IGSF10: variants seen among roughly 807,000 people sequenced by gnomAD.
IGSF10 encodes immunoglobulin superfamily member 10.
Under a neutral mutation model 128.2 loss-of-function variants are expected in IGSF10, and 126 were observed. That is an observed-to-expected ratio of 0.98 (90% CI 0.85 to 1.14). IGSF10 has a LOEUF of 1.14. IGSF10 is among the 50% of genes most tolerant of loss of function. The probability of loss-of-function intolerance (pLI) is 0.00; values close to 1 mark genes in which losing one functional copy is unlikely to be tolerated. For missense variants in IGSF10, 3,295 were observed against 3,149.8 expected, an observed-to-expected ratio of 1.05 and a Z score of -1.10; for synonymous variants, 1,185 against 1,146.2, an observed-to-expected ratio of 1.03 and a Z score of -0.68.
intron 4 of IGSF10, among the ~76,000 whole-genome samples, chr3:151,455,144 C>T (rs1378446691): frequency 6.6e-6 from 1 of 150,590 alleles, no homozygotes; most frequent in African/African-American, 2.4e-5. Flanking sequence ...GAGTTTCACT[C>T]TTGTTGCCCA....
At position 151,448,028 on chromosome 3, in the gene IGSF10, T is replaced by G; in HGVS notation, c.1953A>C (p.Ser651=). The part of the protein sequence containing the change: ...GYYRCVAANP[S]GVDFLIFQVS... ...CTTGGAAAATCAAAAAATCAACCCC[T>G]GATGGGTTGGCTGCCACACAGCGAT... Residue 651 remains serine (S), a synonymous_variant, in exon 6 of 8, where the codon TCA becomes TCC. Coordinates refer to ENST00000282466, the MANE Select transcript of IGSF10 (RefSeq NM_178822.5). 1 of 1,614,196 alleles carries G rather than the reference T, an allele frequency of 6.2e-7. No homozygotes were observed. The highest frequency in any genetic ancestry group is 8.5e-7 in the Non-Finnish European group (1 of 1,180,016).
the IGSF10 span, among the ~76,000 whole-genome samples, chr3:151,618,915 C>T: frequency 6.6e-6 from 1 of 150,732 alleles, no homozygotes; most frequent in Non-Finnish European, 1.5e-5. Context: ...TGAAGTTTTC[C>T]GAACTTTCAG....
chr3:151,563,292 C>T, the IGSF10 span, among the ~76,000 whole-genome samples: 1 of 152,116 alleles, frequency 6.6e-6, no homozygotes, highest in African/African-American at 2.4e-5. Flanking sequence ...ACCTCTGCAC[C>T]TCATGTCCCA....
At chr3:151,513,375 T>C in the IGSF10 span, among the ~76,000 whole-genome samples, 1 of 151,922 alleles carries the variant, frequency 6.6e-6, no homozygotes, top group Non-Finnish European at 1.5e-5. Context: ...AAAAACTACA[T>C]GATTATCTCA....
chr3:151,438,087 T>G lies in IGSF10; in HGVS notation c.6474A>C (p.Thr2158=). 1 of 1,614,240 alleles carries G rather than the reference T, an allele frequency of 6.2e-7. No individual in the cohort carries two copies. The highest frequency in any genetic ancestry group is 8.5e-7 in the Non-Finnish European group (1 of 1,180,040). ...CAGTGACCTCACAGTCAAGGACAGC[T>G]GTGTCTCCAGCTTTGATTCTCTTGT... The part of the protein sequence containing the change: ...KTNKRIKAGD[T]AVLDCEVTGD... The change falls in exon 8 of 8, where the codon ACA becomes ACC. Residue 2158 remains threonine, a synonymous_variant. Coordinates refer to ENST00000282466, the MANE Select transcript of IGSF10 (RefSeq NM_178822.5).
At chr3:151,590,939 T>A in the IGSF10 span, among the ~76,000 whole-genome samples, 9 of 152,126 alleles carry the variant, frequency 5.9e-5, no homozygotes, top group African/African-American at 2.2e-4. Context: ...GGTTTTTGAG[T>A]ACAGTGATGG....
chr3:151,524,654 G>A, the IGSF10 span, among the ~76,000 whole-genome samples: 1 of 152,094 alleles, frequency 6.6e-6, no homozygotes, highest in African/African-American at 2.4e-5. Flanking sequence ...GGAGGGAGAG[G>A]AACAGAGAAG....
In IGSF10 at chr3:151,446,734, T is replaced by G. The variant is rs1342034222; in HGVS notation, c.3247A>C (p.Ser1083Arg). ...TTGGGGAAGGTGATGGGAGCAGCAC[T>G]TGGAAAAGACAATGCTGCTGTGGCA... The part of the protein sequence containing the change: ...TTATAALSFP[S>R]AAPITFPKAD... The change falls in exon 6 of 8, where the codon AGT (serine) becomes CGT (arginine). Residue 1083 changes from serine (S) to arginine (R), a missense_variant. Coordinates refer to ENST00000282466, the MANE Select transcript of IGSF10 (RefSeq NM_178822.5). 2 of 1,614,146 alleles carry G rather than the reference T, an allele frequency of 1.2e-6. No homozygotes were observed. The highest frequency in any genetic ancestry group is 2.2e-5 in the South Asian group (2 of 91,086).
the IGSF10 span, among the ~76,000 whole-genome samples, chr3:151,580,564 C>T: frequency 6.6e-6 from 1 of 152,112 alleles, no homozygotes; most frequent in South Asian, 2.1e-4. Context: ...ACTGGGAAAG[C>T]CTGTCAAAGT....
chr3:151,458,110 C>CATAT lies in IGSF10; in HGVS notation c.194+402_194+405dup, dbSNP rs143716078. Among the ~76,000 whole-genome samples, 1,136 of 150,000 alleles carry CATAT rather than the reference C, an allele frequency of 7.6e-3. 10 individuals are homozygous for CATAT. Among genetic ancestry groups the CATAT allele is most frequent in the African/African-American group, 0.026 (1,071 of 40,834 alleles). ...AACCAAAGGGCCTATAAAAAGGATACATATATATATATATGTATGTATGTG... is the reference window on the plus strand; with the variant it reads ...AACCAAAGGGCCTATAAAAAGGATACATATATATATATATATATGTATGTATGTG... On this transcript the variant is annotated intron_variant, in intron 3 of 7. Transcript: ENST00000282466.
the IGSF10 span, among the ~76,000 whole-genome samples, chr3:151,564,292 G>C: frequency 6.6e-6 from 1 of 151,924 alleles, no homozygotes; most frequent in Non-Finnish European, 1.5e-5. Context: ...TTTTGCATCA[G>C]TACACACATT....
At chr3:151,606,679 G>A in the IGSF10 span, among the ~76,000 whole-genome samples, 2 of 152,146 alleles carry the variant, frequency 1.3e-5, no homozygotes, top group Non-Finnish European at 2.9e-5. Context: ...TTAGGTGCAA[G>A]GTAAAGCTGA....
chr3:151,584,328 A>G, the IGSF10 span, among the ~76,000 whole-genome samples: 1 of 152,130 alleles, frequency 6.6e-6, no homozygotes, highest in Non-Finnish European at 1.5e-5. Flanking sequence ...AGCAACACAT[A>G]GGTTTTCTTA....
the IGSF10 span, among the ~76,000 whole-genome samples, chr3:151,572,875 G>C: frequency 0.68 from 103,356 of 152,078 alleles, 35,164 homozygotes; most frequent in South Asian, 0.74. Context: ...AAGTTTCCCT[G>C]TACACACTGC....
At chr3:151,499,307 C>T in the IGSF10 span, among the ~76,000 whole-genome samples, 2 of 152,122 alleles carry the variant, frequency 1.3e-5, no homozygotes, top group Non-Finnish European at 2.9e-5. Flanking sequence ...TGAAAGCATA[C>T]ATTGAGAATA....
the IGSF10 span, among the ~76,000 whole-genome samples, chr3:151,617,320 C>CTTCT: frequency 0.078 from 6,499 of 83,572 alleles, 833 homozygotes; most frequent in Middle Eastern, 0.094. Context: ...CTTCTTCTTC[C>CTTCT]CCTCCTCCTC....
rs775388305 is a variant in IGSF10, at chr3:151,458,542, C to T, written c.168G>A (p.Pro56=). ...RYLTSIPDSI[P]PNVERINLGY... ...CTAAATTGATGCGTTCCACATTGGG[C>T]GGGATGCTGTCTGGGATGGAAGTCA... Residue 56 remains proline, a synonymous_variant, in exon 3 of 8, where the codon CCG becomes CCA. Transcript: ENST00000282466. 52 of 1,613,546 alleles carry T rather than the reference C, an allele frequency of 3.2e-5. No homozygotes were observed. The highest frequency in any genetic ancestry group is 6.7e-5 in the Admixed American group (4 of 59,922).
the IGSF10 span, among the ~76,000 whole-genome samples, chr3:151,568,001 C>T: frequency 6.6e-6 from 1 of 152,130 alleles, no homozygotes; most frequent in Non-Finnish European, 1.5e-5. Flanking sequence ...AACCCCAGTA[C>T]ATTTTAAAAC....
chr3:151,582,686 GTCTATCTATCTA>G, the IGSF10 span, among the ~76,000 whole-genome samples: 2 of 151,834 alleles, frequency 1.3e-5, no homozygotes, highest in Non-Finnish European at 2.9e-5. Flanking sequence ...TCTATTGTCT[GTCTATCTATCTA>G]TCTATCTATC....
Sources: gnomAD v4.1 joint callset for allele counts (sites outside exome capture counted in the v4.1 genomes callset) on GRCh38, gnomAD v4.1.1 for gene constraint, MANE v1.5 for transcripts, NCBI Gene and HGNC (gene_info 2026-07-23, HGNC 2026-07-21) for gene names.